The following CFAP47 variants were observed in gnomAD, a reference collection of about 807,000 sequenced individuals.
The protein encoded by CFAP47 is cilia and flagella associated protein 47.
Under a neutral mutation model 148.1 loss-of-function variants are expected in CFAP47, and 29 were observed. That is an observed-to-expected ratio of 0.20 (90% confidence interval 0.15 to 0.27). The LOEUF is 0.27. Among genes scored for constraint, CFAP47 ranks in the 10% least tolerant of loss-of-function variants. CFAP47 has a pLI of 1.00. For synonymous variants in CFAP47, 664 were observed against 577.3 expected, an observed-to-expected ratio of 1.15 and a Z score of -2.15; for missense variants, 1,872 against 1,697.5, an observed-to-expected ratio of 1.10 and a Z score of -1.81.
intron 26 of CFAP47, among the ~76,000 whole-genome samples, chrX:36,051,839 C>G (rs1271177857): frequency 9.0e-6 from 1 of 110,982 alleles, no homozygotes. Context: ...CCATAATCCC[C>G]ATATGTCATG....
At chrX:36,055,243 G>C (rs983880262) in intron 26 of CFAP47, among the ~76,000 whole-genome samples, 1 of 110,245 alleles carries the variant, frequency 9.1e-6, no homozygotes, top group East Asian at 2.8e-4. Context: ...TGCCATGGTG[G>C]TTTGCTACAC....
chrX:36,261,722 T>C (rs1556000131), intron 49 of CFAP47, among the ~76,000 whole-genome samples: 1 of 111,337 alleles, frequency 9.0e-6, no homozygotes, highest in African/African-American at 3.3e-5. Flanking sequence ...CCATGTCTAC[T>C]TCTTTCTACA....
chrX:35,933,835 A>AT (rs776092449), intron 2 of CFAP47, among the ~76,000 whole-genome samples: 9 of 111,730 alleles, frequency 8.1e-5, no homozygotes, highest in African/African-American at 2.9e-4. Context: ...GATGTTGAGC[A>AT]TTTTTTCATG....
At chrX:36,197,870 C>G (rs782322030) in intron 42 of CFAP47, among the ~76,000 whole-genome samples, 4 of 111,054 alleles carry the variant, frequency 3.6e-5, no homozygotes, top group African/African-American at 1.3e-4. Context: ...AATAGACCAC[C>G]AAATGAATTA....
chrX:35,924,924 G>C (rs1228543247), intron 1 of CFAP47, among the ~76,000 whole-genome samples: 1 of 111,396 alleles, frequency 9.0e-6, no homozygotes, highest in African/African-American at 3.3e-5. Flanking sequence ...ATTCAGACTC[G>C]TAGAAGTAGA....
Position 35,951,179 on chromosome X carries a change from T to C in CFAP47, c.705T>C (p.His235=). ...AGATGCTCTTGAGTATCAAAGCTCA[T>C]GTGGTTGAGCAGATTATTGAATTAT... ...QPEMLLSIKA[H]VVEQIIELLS... The change falls in exon 5 of 64, where the codon CAT becomes CAC. Residue 235 remains histidine (H), a synonymous_variant. Transcript: ENST00000378653. 8.3e-7 allele frequency: 1 copy of C among 1,211,147 alleles called. No individual in the cohort carries two copies. Among genetic ancestry groups the C allele is most frequent in the East Asian group, 3.0e-5 (1 of 33,812 alleles).
chrX:36,341,873 T>G (rs187228055), intron 57 of CFAP47, among the ~76,000 whole-genome samples: 1 of 110,784 alleles, frequency 9.0e-6, no homozygotes, highest in African/African-American at 3.3e-5. Flanking sequence ...ATAAATTATG[T>G]AAATTAAATA....
At chrX:36,256,473 A>T (rs1297032185) in intron 49 of CFAP47, among the ~76,000 whole-genome samples, 1 of 111,823 alleles carries the variant, frequency 8.9e-6, no homozygotes, top group Non-Finnish European at 1.9e-5. Context: ...TATACCTTAC[A>T]TATCATTTTC....
intron 23 of CFAP47, among the ~76,000 whole-genome samples, chrX:36,035,207 A>C (rs1337890115): frequency 8.9e-6 from 1 of 111,779 alleles, no homozygotes; most frequent in East Asian, 2.8e-4. Flanking sequence ...AAAATTGCTG[A>C]CACGTTTATC....
At position 35,948,473 on chromosome X, in the gene CFAP47, TA is replaced by T. The variant is rs760610943; in HGVS notation, c.656+26del. ...GCAATGTGAGTATATACTGTGGTTC[TA>T]AAAATTATAATACAGATCTCAATGC... On this transcript the variant is annotated intron_variant, in intron 4 of 63. Coordinates refer to ENST00000378653, the MANE Select transcript of CFAP47 (RefSeq NM_001304548.2). The T allele has an allele frequency of 3.5e-6, 4 of 1,133,521 alleles. No individual in the cohort carries two copies. In the South Asian group the frequency reaches 7.8e-5, roughly 22 times the overall value. 93.4% of individuals were successfully genotyped at this position (1,133,521 alleles called of 1,213,427 possible). A position where few individuals can be genotyped will look rare whatever the true frequency, so the allele number is the denominator to read the frequency against.
rs1556003386 is a variant in CFAP47, at chrX:36,280,470, G to A, written c.7445-17G>A. The A allele has an allele frequency of 2.1e-6, 1 of 486,814 alleles. No homozygotes were observed. The highest frequency in any genetic ancestry group is 2.3e-5 in the African/African-American group (1 of 42,880). 40.1% of individuals were successfully genotyped at this position (486,814 alleles called of 1,213,427 possible). On this transcript the variant is annotated splice_polypyrimidine_tract_variant and intron_variant, in intron 49 of 63. Coordinates refer to ENST00000378653, the MANE Select transcript of CFAP47 (RefSeq NM_001304548.2). ...TAAACCCTGATTAATAGGGCATCTT[G>A]TACTTATGTGTTGTAGGTACAATTA...
chrX:36,019,623 C>T (rs754185734), intron 22 of CFAP47, among the ~76,000 whole-genome samples: 1 of 111,548 alleles, frequency 9.0e-6, no homozygotes, highest in East Asian at 2.8e-4. Flanking sequence ...ATATTTTTCC[C>T]ACCCGCCTGA....
chrX:36,202,614 A>T (rs1343932899), intron 44 of CFAP47, among the ~76,000 whole-genome samples: 1 of 111,518 alleles, frequency 9.0e-6, no homozygotes, highest in Non-Finnish European at 1.9e-5. Context: ...GTGGTGTCTC[A>T]CGCCTGTAAT....
intron 62 of CFAP47, among the ~76,000 whole-genome samples, chrX:36,368,860 T>A (rs781999527): frequency 3.2e-4 from 36 of 111,676 alleles, no homozygotes; most frequent in African/African-American, 1.2e-3. Context: ...TATTTTTTCA[T>A]ATCTTTGATC....
intron 29 of CFAP47, among the ~76,000 whole-genome samples, chrX:36,080,639 A>T (rs909847289): frequency 8.9e-6 from 1 of 111,743 alleles, no homozygotes; most frequent in African/African-American, 3.3e-5. Context: ...AGCAACATGG[A>T]TGAAGCTGGA....
At chrX:36,348,373 T>C in intron 58 of CFAP47, 85 bp downstream of exon 58, 3 of 445,466 alleles carry the variant, frequency 6.7e-6, no homozygotes, top group South Asian at 1.5e-4. Context: ...ATGTTATACA[T>C]ATATAATGTC....
intron 51 of CFAP47, among the ~76,000 whole-genome samples, chrX:36,293,090 A>G (rs782307373): frequency 9.0e-6 from 1 of 111,146 alleles, no homozygotes; most frequent in Non-Finnish European, 1.9e-5. Flanking sequence ...ATGCTAAGGA[A>G]CAGTGATGAA....
intron 21 of CFAP47, 78 bp from the exon 22 acceptor site, chrX:36,014,696 G>A (rs976026523): frequency 1.1e-5 from 3 of 278,363 alleles, no homozygotes; most frequent in African/African-American, 8.4e-5. Flanking sequence ...TTTAAAAACT[G>A]CTGTTTGGCT....
At chrX:36,379,122 T>TTATAAG (rs5902129) in intron 62 of CFAP47, among the ~76,000 whole-genome samples, 37,207 of 111,086 alleles carry the variant, frequency 0.33, 8,148 homozygotes, top group African/African-American at 0.81. Flanking sequence ...TCTTTGTGCA[T>TTATAAG]TATAAGATGT....
Sources: gnomAD v4.1 joint callset for allele counts (sites outside exome capture counted in the v4.1 genomes callset) on GRCh38, gnomAD v4.1.1 for gene constraint, MANE v1.5 for transcripts, NCBI Gene and HGNC (gene_info 2026-07-23, HGNC 2026-07-21) for gene names.